Variants in DKK2 observed in about 807,000 individuals in gnomAD.
The protein encoded by DKK2 is dickkopf Wnt signaling pathway inhibitor 2, also known as dickkopf-related protein 2.
DKK2 carries 11 observed loss-of-function variants against 28.1 expected under a neutral mutation model. The ratio of observed to expected loss-of-function variants is 0.39; its 90% CI spans 0.25 to 0.65. The LOEUF (loss-of-function observed/expected upper bound fraction) is 0.65. Ranked by LOEUF, DKK2 falls within the 30% of genes least tolerant of loss-of-function variation. The probability of loss-of-function intolerance (pLI) is 0.47; values close to 1 mark genes in which losing one functional copy is unlikely to be tolerated. For missense variants in DKK2, 326 were observed against 335.5 expected (o/e 0.97, Z 0.22); for synonymous variants, 135 against 126.5 (o/e 1.07, Z -0.45).
chr4:106,959,601 T>C lies in DKK2; in HGVS notation c.223-33652A>G, dbSNP rs79449353. On this transcript the variant is annotated intron_variant, in intron 1 of 3. Transcript: ENST00000285311. ...ACTTCATTTCTGGAACAGAATGGTG[T>C]GATTTTAATGGAAATTTCAAAGCTT... 4.3e-3 allele frequency among the ~76,000 whole-genome samples: 655 copies of C among 152,206 alleles called. 7 individuals carry two copies. The highest frequency in any genetic ancestry group is 0.015 in the African/African-American group (623 of 41,536).
intron 1 of DKK2, among the ~76,000 whole-genome samples, chr4:107,017,701 G>A (rs1025617149): frequency 6.7e-6 from 1 of 148,928 alleles, no homozygotes; most frequent in Non-Finnish European, 1.5e-5. Flanking sequence ...GAGACTGAAA[G>A]GATTATATAA....
intron 1 of DKK2, among the ~76,000 whole-genome samples, chr4:107,023,390 A>T (rs1010030776): frequency 2.0e-5 from 3 of 152,116 alleles, no homozygotes; most frequent in African/African-American, 7.2e-5. Context: ...CCAATCTGAA[A>T]TGGCTACATA....
chr4:106,938,883 C>T (rs1270489782), intron 1 of DKK2, among the ~76,000 whole-genome samples: 7 of 151,020 alleles, frequency 4.6e-5, no homozygotes, highest in Non-Finnish European at 1.0e-4. Flanking sequence ...TCAATAGATG[C>T]AGAAAAAGCC....
intron 1 of DKK2, among the ~76,000 whole-genome samples, chr4:107,029,095 A>G (rs905913749): frequency 2.0e-5 from 3 of 152,162 alleles, no homozygotes; most frequent in Admixed American, 2.0e-4. Flanking sequence ...ATGAAGTACT[A>G]ACATACTTTA....
At chr4:106,926,611 A>G (rs901906079) in intron 1 of DKK2, among the ~76,000 whole-genome samples, 12 of 152,164 alleles carry the variant, frequency 7.9e-5, no homozygotes, top group African/African-American at 2.7e-4. Context: ...AGCTCCAATT[A>G]TATCATTATA....
At chr4:106,952,638 C>T (rs1263014191) in intron 1 of DKK2, among the ~76,000 whole-genome samples, 1 of 152,096 alleles carries the variant, frequency 6.6e-6, no homozygotes, top group Non-Finnish European at 1.5e-5. Context: ...AATACATATT[C>T]AGTGAGTCCA....
chr4:106,951,029 T>G (rs1480128351), intron 1 of DKK2, among the ~76,000 whole-genome samples: 4 of 152,132 alleles, frequency 2.6e-5, no homozygotes, highest in Non-Finnish European at 5.9e-5. Context: ...CAGTATCATG[T>G]TTTTGATTCA....
chr4:106,925,762 A>G (rs1444916986), intron 2 of DKK2, 37 bp downstream of exon 2: 5 of 1,573,976 alleles, frequency 3.2e-6, no homozygotes, highest in Non-Finnish European at 4.3e-6. Flanking sequence ...GATGATGAAA[A>G]GAAAGAGGCC....
At chr4:106,969,724 CT>C (rs1269770158) in intron 1 of DKK2, among the ~76,000 whole-genome samples, 2 of 151,978 alleles carry the variant, frequency 1.3e-5, no homozygotes, top group African/African-American at 4.8e-5. Flanking sequence ...CCAAAAAACT[CT>C]TTGGAATTAA....
intron 1 of DKK2, among the ~76,000 whole-genome samples, chr4:106,975,448 A>T (rs2110355842): frequency 6.6e-6 from 1 of 150,846 alleles, no homozygotes; most frequent in Middle Eastern, 3.4e-3. Flanking sequence ...CAGGGATTCG[A>T]CTCTTCCTGG....
intron 1 of DKK2, among the ~76,000 whole-genome samples, chr4:107,030,627 A>C (rs1211920451): frequency 6.6e-6 from 1 of 152,036 alleles, no homozygotes; most frequent in Non-Finnish European, 1.5e-5. Flanking sequence ...AGGCCGTCAG[A>C]AAGTCACAGG....
chr4:106,995,812 C>G (rs576436691), intron 1 of DKK2, among the ~76,000 whole-genome samples: 2 of 152,058 alleles, frequency 1.3e-5, no homozygotes, highest in African/African-American at 4.8e-5. Flanking sequence ...GGGGTTTCAC[C>G]GTGTTAGCCA....
chr4:107,012,904 T>C (rs1309323590), intron 1 of DKK2, among the ~76,000 whole-genome samples: 1 of 150,676 alleles, frequency 6.6e-6, no homozygotes, highest in Non-Finnish European at 1.5e-5. Context: ...TTTTATATTA[T>C]CTCTTAATAT....
chr4:106,938,605 T>A (rs774869303), intron 1 of DKK2, among the ~76,000 whole-genome samples: 224 of 152,244 alleles, frequency 1.5e-3, no homozygotes, highest in Non-Finnish European at 2.4e-3. Flanking sequence ...TCCCTAACTC[T>A]TTTTATGAGG....
At position 106,983,337 on chromosome 4, in the gene DKK2, GAAGAAAGAAAGAAAGA is replaced by G. The variant is rs1553923094; in HGVS notation, c.222+52017_222+52032del. 2.7e-4 allele frequency among the ~76,000 whole-genome samples: 33 copies of G among 120,506 alleles called. No individual in the cohort carries two copies. In the East Asian group the frequency reaches 4.4e-3, roughly 16 times the overall value. The allele number at this position is 120,506 out of a possible 152,430, so 79.1% of individuals were successfully genotyped here. A position where few individuals can be genotyped will look rare whatever the true frequency, so the allele number is the denominator to read the frequency against. The stretch of plus-strand genomic sequence containing the variant: ...AGAAAGAAGAAAGAAAGGAAGAAAG[GAAGAAAGAAAGAAAGA>G]AAGAAAGAAAGAAAGAAGAAAGAAA... On this transcript the variant is annotated intron_variant, in intron 1 of 3. Transcript: ENST00000285311.
At chr4:106,958,316 T>C (rs897988006) in intron 1 of DKK2, among the ~76,000 whole-genome samples, 27 of 152,068 alleles carry the variant, frequency 1.8e-4, no homozygotes, top group African/African-American at 6.3e-4. Flanking sequence ...AGAATATGCC[T>C]GGATTATACA....
At chr4:107,025,216 C>T (rs1438404214) in intron 1 of DKK2, among the ~76,000 whole-genome samples, 4 of 152,146 alleles carry the variant, frequency 2.6e-5, no homozygotes, top group Non-Finnish European at 5.9e-5. Context: ...ACAGTGTCTT[C>T]CTAAAACACT....
chr4:106,987,866 C>CTTTTT (rs397994875), intron 1 of DKK2, among the ~76,000 whole-genome samples: 1 of 137,946 alleles, frequency 7.2e-6, no homozygotes, highest in Non-Finnish European at 1.6e-5. Context: ...TTACTCTCTT[C>CTTTTT]TTTTTTTTTT....
chr4:106,971,947 A>G (rs886448350), intron 1 of DKK2, among the ~76,000 whole-genome samples: 1 of 152,078 alleles, frequency 6.6e-6, no homozygotes, highest in African/African-American at 2.4e-5. Flanking sequence ...CCTGAAAATA[A>G]TCCAGATGTA....
Sources: allele counts gnomAD v4.1 joint callset (sites outside exome capture counted in the v4.1 genomes callset), GRCh38; gene constraint gnomAD v4.1.1; transcripts MANE v1.5; gene names NCBI Gene and HGNC (gene_info 2026-07-23, HGNC 2026-07-21).